The following DOCK10 variants were observed in gnomAD, a reference collection of about 807,000 sequenced individuals.
The protein encoded by DOCK10 is dedicator of cytokinesis protein 10.
Under a neutral mutation model 280.1 loss-of-function variants are expected in DOCK10, and 145 were observed. That is an observed-to-expected ratio of 0.52 (90% CI 0.45 to 0.59). The LOEUF (loss-of-function observed/expected upper bound fraction) is 0.59. Among genes scored for constraint, DOCK10 ranks in the 20% least tolerant of loss-of-function variants. DOCK10 has a pLI of 0.00. For missense variants in DOCK10, 2,368 were observed against 2,651.7 expected (o/e 0.89, Z 2.35); for synonymous variants, 915 against 942.2 (o/e 0.97, Z 0.53).
At chr2:224,795,788 C>A (rs1332340982) in intron 44 of DOCK10, among the ~76,000 whole-genome samples, 3 of 152,138 alleles carry the variant, frequency 2.0e-5, no homozygotes, top group Non-Finnish European at 4.4e-5. Flanking sequence ...AGTATAATGA[C>A]TACAGGAGAA....
Position 224,793,389 on chromosome 2 carries a change from G to T in DOCK10, c.5212+11C>A. On this transcript the variant is annotated intron_variant, in intron 46 of 55. Coordinates refer to ENST00000258390, the MANE Select transcript of DOCK10 (RefSeq NM_014689.3). ...TCTAGGCTTTTTGCCTCCCTCATGT[G>T]GTCATCTTACCCTTTCTTTTCAGAT... is the stretch of plus-strand genomic sequence containing the variant. 6.2e-7 allele frequency: 1 copy of T among 1,609,894 alleles called. No individual in the cohort carries two copies. The highest frequency in any genetic ancestry group is 1.1e-5 in the South Asian group (1 of 90,426).
At chr2:224,994,301 A>C (rs1706207704) in intron 1 of DOCK10, among the ~76,000 whole-genome samples, 1 of 152,178 alleles carries the variant, frequency 6.6e-6, no homozygotes, top group Admixed American at 6.5e-5. Flanking sequence ...TAGCTTGGTA[A>C]TCTTCAGCAA....
At chr2:224,861,253 A>G (rs1697478897) in intron 14 of DOCK10, 2 of 152,232 alleles carry the variant, frequency 1.3e-5, no homozygotes, top group East Asian at 1.9e-4. Flanking sequence ...AGGATAAAGT[A>G]CTATTCATGA....
rs757259326 is a variant in DOCK10, at chr2:224,806,220, T to G, written c.3720A>C (p.Leu1240=). The G allele has an allele frequency of 2.2e-5, 35 of 1,605,272 alleles. No homozygotes were observed. Among genetic ancestry groups the G allele is most frequent in the Non-Finnish European group, 2.9e-5 (34 of 1,173,628 alleles). The change falls in exon 34 of 56, where the codon CTA becomes CTC. Residue 1240 remains leucine (L), a synonymous_variant. Coordinates refer to ENST00000258390, the MANE Select transcript of DOCK10 (RefSeq NM_014689.3). ...NTSNQGSRDD[L]STNGGFQSQT... The stretch of plus-strand genomic sequence containing the variant: ...GGCTTTGAAATCCTCCATTGGTGCT[T>G]AGATCATCTCTAGACCCCTGTATTC...
At chr2:224,847,382 T>A (rs902944967) in intron 19 of DOCK10, among the ~76,000 whole-genome samples, 4 of 152,108 alleles carry the variant, frequency 2.6e-5, no homozygotes, top group African/African-American at 9.7e-5. Flanking sequence ...AGAACCCACA[T>A]CTTGGGATGA....
chr2:224,909,708 G>C (rs1287986844), intron 3 of DOCK10, among the ~76,000 whole-genome samples: 1 of 151,782 alleles, frequency 6.6e-6, no homozygotes, highest in African/African-American at 2.4e-5. Context: ...AAATGAGGTA[G>C]TAATACCTAT....
At chr2:224,941,672 C>G (rs572719142) in intron 1 of DOCK10, among the ~76,000 whole-genome samples, 24 of 151,932 alleles carry the variant, frequency 1.6e-4, no homozygotes, top group African/African-American at 5.5e-4. Context: ...GGTGAAACCC[C>G]GTCTCTACTA....
chr2:224,797,206 C>T, intron 42 of DOCK10, 60 bp from the exon 43 acceptor site: 1 of 1,265,512 alleles, frequency 7.9e-7, no homozygotes, highest in Non-Finnish European at 1.1e-6. Flanking sequence ...TCTGTTCATT[C>T]TCATATTTTA....
intron 1 of DOCK10, among the ~76,000 whole-genome samples, chr2:224,934,741 T>A (rs1408875044): frequency 6.6e-6 from 1 of 152,224 alleles, no homozygotes; most frequent in Non-Finnish European, 1.5e-5. Context: ...GGTTGGGTTG[T>A]CCCTCTTGAA....
At chr2:224,792,831 T>G in intron 47 of DOCK10, 143 bp downstream of exon 47, 1 of 578,934 alleles carries the variant, frequency 1.7e-6, no homozygotes, top group Non-Finnish European at 3.0e-6. Flanking sequence ...GGCAGGAGTT[T>G]AAGTTTTTTG....
chr2:224,997,733 G>T (rs757771445), intron 1 of DOCK10, among the ~76,000 whole-genome samples: 6 of 152,114 alleles, frequency 3.9e-5, no homozygotes, highest in Non-Finnish European at 5.9e-5. Flanking sequence ...CAGGAATGGT[G>T]AGCACAAAAT....
intron 27 of DOCK10, among the ~76,000 whole-genome samples, chr2:224,827,670 G>C (rs1157860518): frequency 6.6e-6 from 1 of 152,196 alleles, no homozygotes; most frequent in Admixed American, 6.5e-5. Flanking sequence ...CCTGACCCCA[G>C]TAGAGCTTAA....
chr2:224,968,949 A>C (rs1266323755), intron 1 of DOCK10, among the ~76,000 whole-genome samples: 7 of 152,198 alleles, frequency 4.6e-5, no homozygotes, highest in Non-Finnish European at 1.0e-4. Flanking sequence ...CTTCAACCAA[A>C]CAGAGGCAGA....
In DOCK10 at chr2:224,845,228, C is replaced by G; in HGVS notation, c.2456G>C (p.Ser819Thr). The G allele has an allele frequency of 6.3e-7, 1 of 1,580,032 alleles. No individual in the cohort carries two copies. The highest frequency in any genetic ancestry group is 8.6e-7 in the Non-Finnish European group (1 of 1,161,240). ...CTTTCCACTTGCAGAATCTTGAAAGCTTAAATAATTAGGAGGCAGACTTGT... is the reference window on the plus strand; with the variant it reads ...CTTTCCACTTGCAGAATCTTGAAAGGTTAAATAATTAGGAGGCAGACTTGT... Reference protein sequence around the residue: ...IATSLPPNYLSFQDSASGKHG... With the variant: ...IATSLPPNYLTFQDSASGKHG... The change falls in exon 21 of 56, where the codon AGC becomes ACC. Residue 819 changes from serine (S) to threonine (T), a missense_variant. By Grantham distance (58) the Ser-to-Thr change is moderately conservative (BLOSUM62 1). Around this residue, in one of 2 missense-constraint regions of DOCK10, gnomAD observed 1,209 missense variants for 1,250.9 expected, o/e 0.97. Coordinates refer to ENST00000258390, the MANE Select transcript of DOCK10 (RefSeq NM_014689.3).
chr2:225,001,613 G>C (rs184994605), intron 1 of DOCK10, among the ~76,000 whole-genome samples: 2 of 152,252 alleles, frequency 1.3e-5, no homozygotes, highest in African/African-American at 4.8e-5. Context: ...TTCTATAATA[G>C]AGTTTTATTT....
chr2:224,943,005 A>G (rs958314438), intron 1 of DOCK10, among the ~76,000 whole-genome samples: 5 of 152,162 alleles, frequency 3.3e-5, no homozygotes, highest in African/African-American at 1.2e-4. Flanking sequence ...TAGGAAGGAA[A>G]TGATCTCTTT....
At chr2:224,951,485 G>A (rs1703725914) in intron 1 of DOCK10, among the ~76,000 whole-genome samples, 3 of 152,188 alleles carry the variant, frequency 2.0e-5, no homozygotes. Context: ...GTAGAGAAGA[G>A]GCTAGATGTT....
chr2:224,986,818 G>C (rs371420310), intron 1 of DOCK10, among the ~76,000 whole-genome samples: 12 of 152,250 alleles, frequency 7.9e-5, no homozygotes, highest in African/African-American at 2.9e-4. Flanking sequence ...TGTTTTGCTA[G>C]AGCAGCCCTA....
chr2:224,818,536 T>A (rs1694300171), intron 29 of DOCK10, among the ~76,000 whole-genome samples: 1 of 151,984 alleles, frequency 6.6e-6, no homozygotes, highest in African/African-American at 2.4e-5. Context: ...TAGCTGGAGC[T>A]ACAGGTGCCC....
Sources: gnomAD v4.1 joint callset for allele counts (sites outside exome capture counted in the v4.1 genomes callset) on GRCh38, gnomAD v4.1.1 for gene constraint, gnomAD v4.1.1 regional missense constraint, MANE v1.5 for transcripts, NCBI Gene and HGNC (gene_info 2026-07-23, HGNC 2026-07-21) for gene names.